Variants in ADD3 observed in about 807,000 individuals in gnomAD.
ADD3 encodes adducin 3.
ADD3 carries 25 observed loss-of-function variants against 80.2 expected under a neutral mutation model. The observed-to-expected ratio is 0.31, with a 90% CI of 0.23 to 0.44. ADD3 has a LOEUF of 0.44. Ranked by LOEUF, ADD3 falls within the 20% of genes least tolerant of loss-of-function variation. ADD3 has a pLI of 1.00. For missense variants in ADD3, 829 were observed against 847.5 expected (o/e 0.98, Z 0.27); for synonymous variants, 284 against 289.6 (o/e 0.98, Z 0.20).
chr10:110,102,148 T>A (rs946919716), intron 2 of ADD3, among the ~76,000 whole-genome samples: 2 of 152,188 alleles, frequency 1.3e-5, no homozygotes, highest in African/African-American at 4.8e-5. Flanking sequence ...AGAAACTCTT[T>A]CCAAATGGAA....
chr10:110,111,641 C>T (rs527677434), intron 2 of ADD3, among the ~76,000 whole-genome samples: 2 of 152,310 alleles, frequency 1.3e-5, no homozygotes, highest in South Asian at 2.1e-4. Context: ...TTTAGCCGGG[C>T]GCGGTGGCTC....
intron 1 of ADD3, among the ~76,000 whole-genome samples, chr10:110,086,054 G>A (rs538304276): frequency 1.5e-4 from 23 of 152,062 alleles, no homozygotes; most frequent in Non-Finnish European, 2.6e-4. Context: ...GCAGTAAGCC[G>A]AGATCATGCC....
At chr10:110,104,334 C>T (rs984838636) in intron 2 of ADD3, among the ~76,000 whole-genome samples, 2 of 152,158 alleles carry the variant, frequency 1.3e-5, no homozygotes, top group East Asian at 3.9e-4. Context: ...TTCTTGGTTC[C>T]ACTGTCTAAG....
chr10:110,118,097 A>G (rs1851012704), intron 5 of ADD3, among the ~76,000 whole-genome samples: 3 of 151,680 alleles, frequency 2.0e-5, no homozygotes, highest in Admixed American at 6.6e-5. Flanking sequence ...AGATTTAAAC[A>G]AAGTTCAGCT....
In ADD3 at chr10:110,100,790, G is replaced by A. The variant is rs758014351; in HGVS notation, c.137G>A (p.Arg46Gln). 2.0e-5 allele frequency: 33 copies of A among 1,613,080 alleles called. No individual in the cohort carries two copies. In the Admixed American group the frequency reaches 2.7e-4, roughly 13 times the overall value. The change falls in exon 2 of 15, where the codon CGA becomes CAA. Residue 46 changes from arginine to glutamine, a missense_variant. Transcript: ENST00000356080. ...IRERNMSPDL[R>Q]QDFNMMEQRK... ...GAGAGGAACATGTCTCCTGATCTAC[G>A]ACAAGACTTCAACATGATGGAGCAG...
At chr10:110,003,302 G>GGTGTGTGTGTGTGTGTGT (rs1554893815), upstream of ADD3, among the ~76,000 whole-genome samples, 1,821 of 146,986 alleles carry the variant, frequency 0.012, 58 homozygotes, top group African/African-American at 0.044. Context: ...GAACAGTAAG[G>GGTGTGTGTGTGTGTGTGT]GTGTGTGTGT....
chr10:110,042,687 G>T (rs199555364), intron 1 of ADD3, among the ~76,000 whole-genome samples: 4 of 140,610 alleles, frequency 2.8e-5, no homozygotes, highest in Non-Finnish European at 3.1e-5. Flanking sequence ...GTCTGGTGCT[G>T]TTTTTTTTTT....
upstream of ADD3, among the ~76,000 whole-genome samples, chr10:110,007,457 G>C (rs1589690649): frequency 6.6e-6 from 1 of 152,348 alleles, no homozygotes; most frequent in East Asian, 1.9e-4. Flanking sequence ...GACTCAAAGC[G>C]GCGGCTCAGC....
chr10:110,086,669 G>A (rs1191752794), intron 1 of ADD3, among the ~76,000 whole-genome samples: 1 of 152,128 alleles, frequency 6.6e-6, no homozygotes, highest in Non-Finnish European at 1.5e-5. Context: ...ATGCAAAGAT[G>A]TGCTTGCTTC....
chr10:110,093,749 CTT>C (rs1405558646), intron 1 of ADD3, among the ~76,000 whole-genome samples: 1 of 152,108 alleles, frequency 6.6e-6, no homozygotes, highest in East Asian at 1.9e-4. Context: ...TCCTAATACT[CTT>C]TGTCTTTATG....
chr10:110,092,557 C>T (rs148986947), intron 1 of ADD3, among the ~76,000 whole-genome samples: 316 of 152,134 alleles, frequency 2.1e-3, no homozygotes, highest in Non-Finnish European at 3.4e-3. Flanking sequence ...AATAGACACC[C>T]GGTCTACTTG....
chr10:110,036,394 T>C (rs1056739544), intron 1 of ADD3, among the ~76,000 whole-genome samples: 2 of 149,312 alleles, frequency 1.3e-5, no homozygotes, highest in Admixed American at 1.3e-4. Flanking sequence ...TTTTTTTTTT[T>C]TCTTGAGACG....
intron 2 of ADD3, among the ~76,000 whole-genome samples, chr10:110,102,264 AT>A (rs1200061130): frequency 4.9e-5 from 7 of 142,606 alleles, no homozygotes; most frequent in African/African-American, 2.2e-4. Context: ...AATTATTTAG[AT>A]CAAAAATAGA....
chr10:110,123,332 C>G (rs1851743069), intron 9 of ADD3, among the ~76,000 whole-genome samples: 1 of 152,184 alleles, frequency 6.6e-6, no homozygotes, highest in Admixed American at 6.5e-5. Context: ...ACATTGCTAC[C>G]AACAGTGTGC....
At chr10:110,020,663 C>T (rs998893982) in intron 1 of ADD3, among the ~76,000 whole-genome samples, 2 of 152,100 alleles carry the variant, frequency 1.3e-5, no homozygotes, top group Non-Finnish European at 2.9e-5. Context: ...TGAGACTAGA[C>T]CATAGTGAGC....
chr10:110,050,130 A>C (rs1564892938), intron 1 of ADD3, among the ~76,000 whole-genome samples: 1 of 152,122 alleles, frequency 6.6e-6, no homozygotes, highest in Non-Finnish European at 1.5e-5. Flanking sequence ...TGCTGAAATG[A>C]GTTAAGACTT....
chr10:110,103,854 C>T (rs1564984558), intron 2 of ADD3, among the ~76,000 whole-genome samples: 1 of 152,192 alleles, frequency 6.6e-6, no homozygotes, highest in African/African-American at 2.4e-5. Flanking sequence ...GTATGTGCCA[C>T]CATGCCTGGC....
intron 1 of ADD3, among the ~76,000 whole-genome samples, chr10:110,080,129 G>C (rs1301021899): frequency 2.6e-5 from 4 of 152,124 alleles, no homozygotes; most frequent in Non-Finnish European, 5.9e-5. Context: ...ACTATCCCAG[G>C]CATTCATGGG....
chr10:110,074,359 A>G (rs1426741322), intron 1 of ADD3, among the ~76,000 whole-genome samples: 1 of 151,958 alleles, frequency 6.6e-6, no homozygotes, highest in Non-Finnish European at 1.5e-5. Flanking sequence ...TGTTTCATTC[A>G]CTCCCCTATT....
Sources: allele counts gnomAD v4.1 joint callset (sites outside exome capture counted in the v4.1 genomes callset), GRCh38; gene constraint gnomAD v4.1.1; transcripts MANE v1.5; gene names NCBI Gene and HGNC (gene_info 2026-07-23, HGNC 2026-07-21).